Variants in CNTNAP2 observed in about 807,000 individuals in gnomAD.
The protein encoded by CNTNAP2 is contactin associated protein 2.
A neutral mutation model predicts 155.2 loss-of-function variants in CNTNAP2; 98 were observed. That is an observed-to-expected ratio of 0.63 (90% confidence interval 0.54 to 0.75). The LOEUF is 0.75. Ranked by LOEUF, CNTNAP2 falls within the 30% of genes least tolerant of loss-of-function variation. The pLI is 0.00. For missense variants in CNTNAP2, 1,727 were observed against 1,688.1 expected (o/e 1.02, Z -0.40); for synonymous variants, 651 against 631.2 (o/e 1.03, Z -0.47).
At chr7:146,968,341 G>T (rs13246895) in intron 3 of CNTNAP2, among the ~76,000 whole-genome samples, 1 of 151,308 alleles carries the variant, frequency 6.6e-6, no homozygotes, top group Non-Finnish European at 1.5e-5. Context: ...AGTTAGGGAG[G>T]ATTCCCTCTT....
At chr7:146,918,815 A>G (rs1413300973) in intron 3 of CNTNAP2, among the ~76,000 whole-genome samples, 3 of 152,206 alleles carry the variant, frequency 2.0e-5, no homozygotes, top group African/African-American at 7.2e-5. Flanking sequence ...AGAAACACCA[A>G]TTATTCTTAG....
intron 4 of CNTNAP2, among the ~76,000 whole-genome samples, chr7:147,071,873 C>G (rs555615267): frequency 6.4e-4 from 98 of 152,304 alleles, no homozygotes; most frequent in African/African-American, 2.2e-3. Context: ...TAATAACAAT[C>G]ATTGATTCAG....
chr7:148,369,643 C>CATTATTATTATT (rs10694264), intron 21 of CNTNAP2, among the ~76,000 whole-genome samples: 3,887 of 143,420 alleles, frequency 0.027, 49 homozygotes, highest in Middle Eastern at 0.051. Flanking sequence ...TGTTCTTTAT[C>CATTATTATTATT]ATTATTATTA....
At chr7:147,165,987 T>A (rs995063678) in intron 8 of CNTNAP2, among the ~76,000 whole-genome samples, 3 of 152,146 alleles carry the variant, frequency 2.0e-5, no homozygotes, top group Non-Finnish European at 4.4e-5. Flanking sequence ...TTTAAAGAAC[T>A]AAAAGTAGAA....
chr7:148,343,971 C>T (rs1798277561), intron 21 of CNTNAP2, among the ~76,000 whole-genome samples: 2 of 152,222 alleles, frequency 1.3e-5, no homozygotes, highest in African/African-American at 4.8e-5. Context: ...ATGCCAGCAA[C>T]TGCATGTAGC....
intron 21 of CNTNAP2, among the ~76,000 whole-genome samples, chr7:148,371,393 A>T (rs771636820): frequency 6.6e-6 from 1 of 152,150 alleles, no homozygotes; most frequent in Non-Finnish European, 1.5e-5. Context: ...GTATTTAGTT[A>T]TATCTAGGGA....
intron 12 of CNTNAP2, among the ~76,000 whole-genome samples, chr7:147,577,552 C>T (rs564941013): frequency 7.9e-5 from 12 of 151,868 alleles, no homozygotes; most frequent in African/African-American, 2.4e-5. Flanking sequence ...GCCCATGTAA[C>T]GTTTAAAGTC....
At chr7:147,405,075 A>G (rs926476386) in intron 10 of CNTNAP2, among the ~76,000 whole-genome samples, 1 of 152,224 alleles carries the variant, frequency 6.6e-6, no homozygotes, top group Non-Finnish European at 1.5e-5. Context: ...GGCATGGCAT[A>G]TAGCTGTGCT....
At chr7:147,240,617 G>A (rs2116636568) in intron 8 of CNTNAP2, among the ~76,000 whole-genome samples, 1 of 152,004 alleles carries the variant, frequency 6.6e-6, no homozygotes, top group South Asian at 2.1e-4. Flanking sequence ...AGTTCCCTCA[G>A]TGTGTCACCT....
chr7:147,005,078 A>G (rs188687186), intron 3 of CNTNAP2, among the ~76,000 whole-genome samples: 1 of 152,216 alleles, frequency 6.6e-6, no homozygotes, highest in African/African-American at 2.4e-5. Context: ...CAGGATCAAA[A>G]TATCAGGAAG....
At chr7:146,535,020 C>A (rs1797825610) in intron 1 of CNTNAP2, among the ~76,000 whole-genome samples, 1 of 118,784 alleles carries the variant, frequency 8.4e-6, no homozygotes, top group African/African-American at 3.2e-5. Flanking sequence ...CGTGCCATGT[C>A]CATCTTTTCT....
At chr7:146,172,627 A>C (rs1219437535) in intron 1 of CNTNAP2, among the ~76,000 whole-genome samples, 3 of 152,058 alleles carry the variant, frequency 2.0e-5, no homozygotes, top group African/African-American at 7.2e-5. Context: ...ACCACACTAG[A>C]TCTTCAATAA....
chr7:147,222,799 G>T (rs1358632417), intron 8 of CNTNAP2, among the ~76,000 whole-genome samples: 7 of 143,728 alleles, frequency 4.9e-5, no homozygotes, highest in Admixed American at 2.9e-4. Flanking sequence ...AACATCACAA[G>T]TGTTTCTCAG....
At chr7:146,620,281 C>A (rs1440577400) in intron 1 of CNTNAP2, among the ~76,000 whole-genome samples, 1 of 152,134 alleles carries the variant, frequency 6.6e-6, no homozygotes, top group Admixed American at 6.5e-5. Flanking sequence ...CCAAGACATA[C>A]AATCTCATCG....
intron 12 of CNTNAP2, among the ~76,000 whole-genome samples, chr7:147,607,526 C>G (rs756315289): frequency 6.6e-6 from 1 of 152,100 alleles, no homozygotes; most frequent in African/African-American, 2.4e-5. Flanking sequence ...GTCACAACCC[C>G]GTCAAGGGAA....
intron 1 of CNTNAP2, among the ~76,000 whole-genome samples, chr7:146,199,895 A>C (rs1798832461): frequency 6.6e-6 from 1 of 152,196 alleles, no homozygotes; most frequent in East Asian, 1.9e-4. Flanking sequence ...CTTGAAAAAC[A>C]GTCTTTCTCC....
chr7:146,776,583 T>C (rs530380602), intron 2 of CNTNAP2, among the ~76,000 whole-genome samples: 1 of 152,264 alleles, frequency 6.6e-6, no homozygotes, highest in South Asian at 2.1e-4. Flanking sequence ...GTGTCAATTA[T>C]GGGAATTAGA....
chr7:147,212,625 C>A (rs1193167102), intron 8 of CNTNAP2, among the ~76,000 whole-genome samples: 1 of 152,058 alleles, frequency 6.6e-6, no homozygotes, highest in Non-Finnish European at 1.5e-5. Flanking sequence ...GAAAAGCTGC[C>A]TATTCAGTAT....
chr7:147,694,237 C>T (rs995220234), intron 13 of CNTNAP2, among the ~76,000 whole-genome samples: 14 of 151,994 alleles, frequency 9.2e-5, no homozygotes, highest in African/African-American at 3.1e-4. Flanking sequence ...TCTTTCTATA[C>T]ATTGCTGGAT....
Sources: allele counts gnomAD v4.1 joint callset (sites outside exome capture counted in the v4.1 genomes callset), GRCh38; gene constraint gnomAD v4.1.1; transcripts MANE v1.5; gene names NCBI Gene and HGNC (gene_info 2026-07-23, HGNC 2026-07-21).